The following SPAG16 variants were observed in gnomAD, a reference collection of about 807,000 sequenced individuals.
SPAG16 encodes the protein sperm-associated antigen 16 protein.
Under a neutral mutation model 80.4 loss-of-function variants are expected in SPAG16, and 86 were observed. That is an observed-to-expected ratio of 1.07 (90% CI 0.90 to 1.28). SPAG16 has a LOEUF of 1.28. Ranked by LOEUF, SPAG16 falls within the 50% of genes most tolerant of loss-of-function variation. The probability of loss-of-function intolerance (pLI) is 0.00; values close to 1 mark genes in which losing one functional copy is unlikely to be tolerated. For synonymous variants in SPAG16, 294 were observed against 265.9 expected (o/e 1.11, Z -1.03); for missense variants, 870 against 765.3 (o/e 1.14, Z -1.61).
intron 10 of SPAG16, among the ~76,000 whole-genome samples, chr2:213,820,248 T>C (rs1320583041): frequency 1.3e-5 from 2 of 152,186 alleles, no homozygotes; most frequent in Admixed American, 6.5e-5. Flanking sequence ...CTAATTTTTG[T>C]ATTTTTTGCA....
chr2:213,705,730 T>C (rs1433476620), intron 10 of SPAG16, among the ~76,000 whole-genome samples: 1 of 152,164 alleles, frequency 6.6e-6, no homozygotes, highest in African/African-American at 2.4e-5. Context: ...TGAAAGAGAA[T>C]TTATAACATC....
chr2:214,114,781 A>G (rs766952099), intron 14 of SPAG16, among the ~76,000 whole-genome samples: 2 of 152,156 alleles, frequency 1.3e-5, no homozygotes, highest in Admixed American at 6.5e-5. Flanking sequence ...CAACACCTCT[A>G]CCTGCTTCGG....
At chr2:214,141,066 G>T (rs921516659) in intron 14 of SPAG16, among the ~76,000 whole-genome samples, 1 of 151,708 alleles carries the variant, frequency 6.6e-6, no homozygotes, top group African/African-American at 2.4e-5. Flanking sequence ...CTTATTTCCT[G>T]AATTTTGCTT....
At chr2:213,837,827 C>T (rs142033370) in intron 10 of SPAG16, among the ~76,000 whole-genome samples, 8 of 152,072 alleles carry the variant, frequency 5.3e-5, no homozygotes, top group Non-Finnish European at 1.0e-4. Context: ...GAGAGGTAGA[C>T]GAGTCTAGGA....
At position 213,991,138 on chromosome 2, in the gene SPAG16, T is replaced by C. The variant is rs1575753121; in HGVS notation, c.1401-22813T>C. ...CATCTACATTAGGTATGTCTCCTAA[T>C]GCTATCTCTCCCCTAGCCCCCACTC... On this transcript the variant is annotated intron_variant, in intron 12 of 15. Transcript: ENST00000331683. 2.0e-5 allele frequency among the ~76,000 whole-genome samples: 3 copies of C among 152,234 alleles called. No individual in the cohort carries two copies. In the South Asian group the frequency reaches 6.2e-4, roughly 32 times the overall value.
intron 12 of SPAG16, among the ~76,000 whole-genome samples, chr2:214,005,318 T>C (rs1052103260): frequency 7.9e-5 from 12 of 152,192 alleles, no homozygotes; most frequent in Non-Finnish European, 1.6e-4. Context: ...ATGATCATTT[T>C]ATTTGTTCAC....
chr2:213,415,992 A>G (rs931559568), intron 9 of SPAG16, among the ~76,000 whole-genome samples: 23 of 152,252 alleles, frequency 1.5e-4, no homozygotes, highest in African/African-American at 5.3e-4. Context: ...AATGAGAAAG[A>G]TTGAACACAA....
At chr2:214,185,100 G>GA (rs1453758833) in intron 15 of SPAG16, among the ~76,000 whole-genome samples, 1 of 151,820 alleles carries the variant, frequency 6.6e-6, no homozygotes, top group Non-Finnish European at 1.5e-5. Flanking sequence ...TTGCTTGCAT[G>GA]AAAAAAATAG....
chr2:214,378,163 T>C (rs1287402354), intron 15 of SPAG16, among the ~76,000 whole-genome samples: 3 of 152,184 alleles, frequency 2.0e-5, no homozygotes, highest in Non-Finnish European at 2.9e-5. Flanking sequence ...GCCCTACTGA[T>C]ACACTTTAGA....
chr2:213,573,216 A>G (rs1373625993), intron 10 of SPAG16, among the ~76,000 whole-genome samples: 1 of 152,008 alleles, frequency 6.6e-6, no homozygotes, highest in Non-Finnish European at 1.5e-5. Flanking sequence ...TCACGCTGGG[A>G]GCTGTAGACC....
intron 15 of SPAG16, among the ~76,000 whole-genome samples, chr2:214,260,203 C>A (rs953212210): frequency 6.6e-6 from 1 of 151,962 alleles, no homozygotes; most frequent in Non-Finnish European, 1.5e-5. Context: ...TGATAAAAGA[C>A]TATACATTGG....
At chr2:213,849,490 G>A (rs760041002) in intron 10 of SPAG16, among the ~76,000 whole-genome samples, 9 of 151,880 alleles carry the variant, frequency 5.9e-5, no homozygotes, top group Non-Finnish European at 1.2e-4. Flanking sequence ...ATTAATATTG[G>A]CTTTCTAATT....
intron 13 of SPAG16, among the ~76,000 whole-genome samples, chr2:214,090,226 C>T (rs139099920): frequency 5.4e-5 from 8 of 149,430 alleles, no homozygotes; most frequent in Middle Eastern, 3.4e-3. Context: ...AAGATGAAGA[C>T]GAAGAAAAAA....
At chr2:213,935,304 C>T (rs546809352) in intron 12 of SPAG16, among the ~76,000 whole-genome samples, 4 of 151,992 alleles carry the variant, frequency 2.6e-5, no homozygotes, top group South Asian at 2.1e-4. Context: ...TATAGGCACC[C>T]ATGAATACTT....
rs867076115 is a variant in SPAG16, at chr2:213,975,677, A to G, written c.1401-38274A>G. On this transcript the variant is annotated intron_variant, in intron 12 of 15. Transcript: ENST00000331683. ...AAAAAAAATGATGAATCTAAGAATA[A>G]TTATTTGATAGGGAGAGGAAAAATT... is the stretch of plus-strand genomic sequence containing the variant. Among the ~76,000 whole-genome samples, 10 of 152,188 alleles carry G rather than the reference A, an allele frequency of 6.6e-5. No homozygotes were observed. The South Asian group carries it at 1.2e-3, about 19-fold the overall frequency.
intron 10 of SPAG16, among the ~76,000 whole-genome samples, chr2:213,842,563 G>T (rs2074413366): frequency 6.6e-6 from 1 of 151,580 alleles, no homozygotes; most frequent in South Asian, 2.1e-4. Flanking sequence ...TTTATTTTTT[G>T]CCAAACTAAC....
chr2:213,893,544 T>C (rs996442882), intron 11 of SPAG16, among the ~76,000 whole-genome samples: 1 of 152,162 alleles, frequency 6.6e-6, no homozygotes, highest in Non-Finnish European at 1.5e-5. Context: ...ATAAAATATG[T>C]AAACTAACAC....
intron 9 of SPAG16, among the ~76,000 whole-genome samples, chr2:213,482,833 G>A (rs1393457577): frequency 6.6e-6 from 1 of 152,068 alleles, no homozygotes; most frequent in African/African-American, 2.4e-5. Context: ...ATATTAAATA[G>A]ATAAGCCATT....
intron 13 of SPAG16, among the ~76,000 whole-genome samples, chr2:214,074,867 G>GT (rs1293824117): frequency 6.6e-6 from 1 of 152,050 alleles, no homozygotes; most frequent in African/African-American, 2.4e-5. Flanking sequence ...ATGCCCCAAA[G>GT]TAAAACAGCA....
Sources: allele counts gnomAD v4.1 joint callset (sites outside exome capture counted in the v4.1 genomes callset), GRCh38; gene constraint gnomAD v4.1.1; transcripts MANE v1.5; gene names NCBI Gene and HGNC (gene_info 2026-07-23, HGNC 2026-07-21).